GMDS: variants seen among roughly 807,000 people sequenced by gnomAD.
GMDS encodes GDP-mannose 4,6-dehydratase.
Under a neutral mutation model 49.9 loss-of-function variants are expected in GMDS, and 20 were observed. The observed-to-expected ratio is 0.40, with a 90% CI of 0.28 to 0.58. The LOEUF is 0.58. Among genes scored for constraint, GMDS ranks in the 20% least tolerant of loss-of-function variants. The pLI, the probability that GMDS is intolerant of heterozygous loss-of-function variation, is 0.42. For synonymous variants in GMDS, 177 were observed against 178.6 expected (o/e 0.99, Z 0.07); for missense variants, 362 against 481.4 (o/e 0.75, Z 2.32).
At chr6:1,656,652 T>C (rs991572520) in intron 9 of GMDS, among the ~76,000 whole-genome samples, 5 of 151,622 alleles carry the variant, frequency 3.3e-5, no homozygotes, top group African/African-American at 1.2e-4. Flanking sequence ...TAATCCCAAG[T>C]GCTCAGGAGG....
intron 9 of GMDS, among the ~76,000 whole-genome samples, chr6:1,692,931 A>C (rs1765224833): frequency 6.6e-6 from 1 of 152,110 alleles, no homozygotes; most frequent in South Asian, 2.1e-4. Context: ...GTAATTTTTT[A>C]TTGGATGCCA....
intron 7 of GMDS, among the ~76,000 whole-genome samples, chr6:1,816,835 C>T (rs547193708): frequency 6.6e-6 from 1 of 151,114 alleles, no homozygotes; most frequent in African/African-American, 2.4e-5. Context: ...TTCTTTTTGT[C>T]TGCTGACCAT....
intron 4 of GMDS, among the ~76,000 whole-genome samples, chr6:2,079,953 T>A (rs1034489266): frequency 4.7e-4 from 71 of 152,320 alleles, no homozygotes; most frequent in African/African-American, 1.7e-3. Flanking sequence ...AAATATGTGG[T>A]GGCTTTATAG....
intron 7 of GMDS, among the ~76,000 whole-genome samples, chr6:1,852,885 T>C (rs1757752385): frequency 6.6e-6 from 1 of 151,920 alleles, no homozygotes; most frequent in Admixed American, 6.6e-5. Flanking sequence ...TTTGTATTTT[T>C]AGTGGAGATG....
intron 9 of GMDS, among the ~76,000 whole-genome samples, chr6:1,684,254 T>C (rs1477017640): frequency 6.6e-6 from 1 of 152,142 alleles, no homozygotes; most frequent in East Asian, 1.9e-4. Context: ...TCTCCCGTGT[T>C]GCTGGTGGGA....
intron 9 of GMDS, among the ~76,000 whole-genome samples, chr6:1,677,978 A>G (rs1267432957): frequency 1.3e-5 from 2 of 152,204 alleles, no homozygotes; most frequent in Non-Finnish European, 2.9e-5. Flanking sequence ...GAATAAAAAA[A>G]TTCCTTTGTT....
At chr6:1,649,881 C>G (rs986646789) in intron 9 of GMDS, among the ~76,000 whole-genome samples, 1 of 152,206 alleles carries the variant, frequency 6.6e-6, no homozygotes, top group African/African-American at 2.4e-5. Context: ...ATGAGGGTGG[C>G]CAGTGCCTGG....
chr6:2,060,078 C>T (rs1771055794), intron 4 of GMDS, among the ~76,000 whole-genome samples: 2 of 152,092 alleles, frequency 1.3e-5, no homozygotes, highest in African/African-American at 4.8e-5. Context: ...TTCCTTTCTT[C>T]AAAACTGTTC....
intron 4 of GMDS, among the ~76,000 whole-genome samples, chr6:2,029,503 A>G (rs75137370): frequency 2.0e-5 from 3 of 152,322 alleles, no homozygotes; most frequent in Non-Finnish European, 2.9e-5. Flanking sequence ...GGGTATTGGT[A>G]ATTTCCCAGA....
chr6:1,770,559 C>A (rs572376692), intron 7 of GMDS, among the ~76,000 whole-genome samples: 3 of 152,234 alleles, frequency 2.0e-5, no homozygotes, highest in African/African-American at 7.2e-5. Flanking sequence ...CATGACCCCA[C>A]GGTGTGGGGA....
chr6:1,995,274 G>A (rs6596866), intron 4 of GMDS, among the ~76,000 whole-genome samples: 64,909 of 151,884 alleles, frequency 0.43, 14,311 homozygotes, highest in African/African-American at 0.54. Flanking sequence ...GAGGGAATGG[G>A]AAGACCAGTC....
At chr6:2,031,408 C>T (rs762633481) in intron 4 of GMDS, among the ~76,000 whole-genome samples, 5 of 151,648 alleles carry the variant, frequency 3.3e-5, no homozygotes, top group Non-Finnish European at 5.9e-5. Flanking sequence ...GATGCCCTCA[C>T]AGAGTTACCT....
intron 4 of GMDS, among the ~76,000 whole-genome samples, chr6:2,020,356 T>A (rs1327794680): frequency 6.6e-6 from 1 of 151,814 alleles, no homozygotes; most frequent in African/African-American, 2.4e-5. Flanking sequence ...ACAATGTACA[T>A]ATCAGTTATG....
chr6:2,095,496 T>C (rs563247115), intron 4 of GMDS, among the ~76,000 whole-genome samples: 1 of 152,292 alleles, frequency 6.6e-6, no homozygotes, highest in South Asian at 2.1e-4. Flanking sequence ...AATAAGCTTA[T>C]CAATAAGTAT....
intron 1 of GMDS, among the ~76,000 whole-genome samples, chr6:2,138,270 G>C (rs964197947): frequency 3.3e-5 from 5 of 152,146 alleles, no homozygotes; most frequent in African/African-American, 1.2e-4. Context: ...TTTCAAATGG[G>C]TCATGTAGTC....
At chr6:1,670,091 C>T (rs553034857) in intron 9 of GMDS, among the ~76,000 whole-genome samples, 103 of 152,084 alleles carry the variant, frequency 6.8e-4, no homozygotes, top group African/African-American at 2.1e-3. Flanking sequence ...TTTTGAAACC[C>T]ATCACGTCTC....
At chr6:1,625,617 C>G (rs2569887) in intron 9 of GMDS, 84,529 of 152,118 alleles carry the variant, frequency 0.56, 26,037 homozygotes, top group African/African-American at 0.84. Context: ...CAATGTCTTT[C>G]TTACAGCTCT....
intron 9 of GMDS, among the ~76,000 whole-genome samples, chr6:1,642,990 TAACAC>T (rs955721089): frequency 6.6e-6 from 1 of 152,178 alleles, no homozygotes; most frequent in African/African-American, 2.4e-5. Flanking sequence ...TTAGCAGAGT[TAACAC>T]AACCACATCA....
intron 7 of GMDS, among the ~76,000 whole-genome samples, chr6:1,835,809 C>A (rs1014607692): frequency 3.3e-5 from 5 of 152,064 alleles, no homozygotes; most frequent in African/African-American, 7.2e-5. Flanking sequence ...AAGAGGCCAT[C>A]AATTTAATGT....
Sources: gnomAD v4.1 joint callset for allele counts (sites outside exome capture counted in the v4.1 genomes callset) on GRCh38, gnomAD v4.1.1 for gene constraint, MANE v1.5 for transcripts, NCBI Gene and HGNC (gene_info 2026-07-23, HGNC 2026-07-21) for gene names.